HESX1: variants seen among roughly 807,000 people sequenced by gnomAD.
The protein encoded by HESX1 is HESX homeobox 1.
HESX1 carries 11 observed loss-of-function variants against 22.5 expected under a neutral mutation model. The observed-to-expected ratio is 0.49, with a 90% confidence interval of 0.31 to 0.81. The LOEUF (loss-of-function observed/expected upper bound fraction) is 0.81, where lower values mean the gene tolerates loss of function less well. Ranked by LOEUF, HESX1 falls within the 30% of genes least tolerant of loss-of-function variation. The pLI is 0.05. For missense variants in HESX1, 201 were observed against 212.6 expected (o/e 0.95, Z 0.34); for synonymous variants, 74 against 76.5 (o/e 0.97, Z 0.17).
chr3:57,202,616 T>C (rs1384206319), upstream of HESX1, among the ~76,000 whole-genome samples: 8 of 152,140 alleles, frequency 5.3e-5, no homozygotes, highest in African/African-American at 1.9e-4. Flanking sequence ...GGATTACAGG[T>C]GTGAGCCACC....
chr3:57,216,620 A>T (rs1328885574), intron 1 of HESX1, among the ~76,000 whole-genome samples: 2 of 152,204 alleles, frequency 1.3e-5, no homozygotes, highest in African/African-American at 4.8e-5. Flanking sequence ...AAAAATAAAA[A>T]ATAAAGTTAT....
At chr3:57,216,482 T>C (rs1422129951) in intron 1 of HESX1, among the ~76,000 whole-genome samples, 1 of 152,016 alleles carries the variant, frequency 6.6e-6, no homozygotes, top group African/African-American at 2.4e-5. Context: ...CCTGGTGGTG[T>C]GCATCTGTAG....
At chr3:57,208,674 T>C (rs1372186813) in intron 1 of HESX1, among the ~76,000 whole-genome samples, 9 of 147,290 alleles carry the variant, frequency 6.1e-5, no homozygotes, top group Admixed American at 2.7e-4. Flanking sequence ...TTAAAGTAAG[T>C]TGTAGGCCAG....
intron 1 of HESX1, among the ~76,000 whole-genome samples, chr3:57,223,303 TCAGA>T (rs1214349934): frequency 1.3e-5 from 2 of 152,228 alleles, no homozygotes; most frequent in African/African-American, 2.4e-5. Context: ...CTTGGCCTGC[TCAGA>T]CAAATTAATT....
intron 1 of HESX1, among the ~76,000 whole-genome samples, chr3:57,213,667 CTGTAA>C (rs1213761399): frequency 6.6e-6 from 1 of 152,202 alleles, no homozygotes; most frequent in Non-Finnish European, 1.5e-5. Flanking sequence ...TGGCTCACGC[CTGTAA>C]TCCCAGCACT....
chr3:57,203,587 C>T (rs1171335674), upstream of HESX1, among the ~76,000 whole-genome samples: 1 of 152,072 alleles, frequency 6.6e-6, no homozygotes, highest in Non-Finnish European at 1.5e-5. Context: ...CAGAGTCTCA[C>T]TCTGTCACCC....
chr3:57,219,340 GAA>G (rs1280403280), intron 1 of HESX1, among the ~76,000 whole-genome samples: 1 of 152,054 alleles, frequency 6.6e-6, no homozygotes, highest in Non-Finnish European at 1.5e-5. Flanking sequence ...GACATCTTCT[GAA>G]AAGTGTCTGT....
At chr3:57,222,444 A>C (rs974104888) in intron 1 of HESX1, among the ~76,000 whole-genome samples, 1 of 152,098 alleles carries the variant, frequency 6.6e-6, no homozygotes, top group African/African-American at 2.4e-5. Context: ...TTTTTTGTAG[A>C]GACACGGTCT....
intron 1 of HESX1, among the ~76,000 whole-genome samples, chr3:57,224,386 C>T (rs184275460): frequency 7.6e-4 from 115 of 152,278 alleles, no homozygotes; most frequent in African/African-American, 1.3e-3. Flanking sequence ...AATCCTTCCA[C>T]CTTGACCTCC....
At chr3:57,224,073 A>T (rs1265386786) in intron 1 of HESX1, among the ~76,000 whole-genome samples, 1 of 151,960 alleles carries the variant, frequency 6.6e-6, no homozygotes, top group African/African-American at 2.4e-5. Flanking sequence ...GCTCACTGCA[A>T]CCTCCGCCTC....
intron 1 of HESX1, among the ~76,000 whole-genome samples, chr3:57,211,172 C>T (rs1201491672): frequency 2.1e-5 from 3 of 143,358 alleles, no homozygotes; most frequent in African/African-American, 5.2e-5. Context: ...GAGCCAAGAT[C>T]GTGCCATTGC....
At chr3:57,217,027 C>A (rs1477778612) in intron 1 of HESX1, among the ~76,000 whole-genome samples, 1 of 152,170 alleles carries the variant, frequency 6.6e-6, no homozygotes, top group East Asian at 1.9e-4. Flanking sequence ...AGTCTGACAT[C>A]ATTTTTGAAC....
At chr3:57,206,016 C>T (rs1211368190) in intron 1 of HESX1, among the ~76,000 whole-genome samples, 1 of 152,086 alleles carries the variant, frequency 6.6e-6, no homozygotes, top group Non-Finnish European at 1.5e-5. Context: ...CATGGTGAAA[C>T]AGTGTTTCTA....
chr3:57,217,042 T>C (rs940887416), intron 1 of HESX1, among the ~76,000 whole-genome samples: 12 of 152,174 alleles, frequency 7.9e-5, no homozygotes, highest in African/African-American at 2.2e-4. Context: ...TTGAACACTT[T>C]CCACTTTCTG....
chr3:57,208,028 T>C (rs1365013761), intron 1 of HESX1, among the ~76,000 whole-genome samples: 2 of 152,206 alleles, frequency 1.3e-5, no homozygotes, highest in African/African-American at 4.8e-5. Flanking sequence ...TTTTGTGAAA[T>C]AATAGTGTAT....
At chr3:57,209,671 C>CAA (rs71088042) in intron 1 of HESX1, among the ~76,000 whole-genome samples, 2,168 of 82,014 alleles carry the variant, frequency 0.026, 25 homozygotes, top group South Asian at 0.038. Context: ...AGCTCCATCT[C>CAA]AAAAAAAAAA....
At chr3:57,210,733 A>G (rs1579358877) in intron 1 of HESX1, among the ~76,000 whole-genome samples, 1 of 152,324 alleles carries the variant, frequency 6.6e-6, no homozygotes. Context: ...TGCAACTTAA[A>G]TACTGTACTA....
chr3:57,216,265 C>T (rs139526215), intron 1 of HESX1, among the ~76,000 whole-genome samples: 15 of 152,146 alleles, frequency 9.9e-5, no homozygotes, highest in Non-Finnish European at 7.3e-5. Context: ...TTCATGACCT[C>T]GACACTTTTC....
upstream of HESX1, among the ~76,000 whole-genome samples, chr3:57,204,688 C>T (rs2060509872): frequency 6.6e-6 from 1 of 151,384 alleles, no homozygotes; most frequent in African/African-American, 2.4e-5. Flanking sequence ...AATCCCAGAA[C>T]TTTGGGAGGC....
Sources: allele counts gnomAD v4.1 joint callset (sites outside exome capture counted in the v4.1 genomes callset), GRCh38; gene constraint gnomAD v4.1.1; transcripts MANE v1.5; gene names NCBI Gene and HGNC (gene_info 2026-07-23, HGNC 2026-07-21).